ACIN1: variants seen among roughly 807,000 people sequenced by gnomAD.
ACIN1 encodes apoptotic chromatin condensation inducer 1.
ACIN1 carries 16 observed loss-of-function variants against 146.6 expected under a neutral mutation model. That is an observed-to-expected ratio of 0.11 (90% CI 0.07 to 0.17). The LOEUF is 0.17. Ranked by LOEUF, ACIN1 falls within the 10% of genes least tolerant of loss-of-function variation. ACIN1 has a pLI of 1.00. For missense variants in ACIN1, 1,357 were observed against 1,609.3 expected, an observed-to-expected ratio of 0.84 and a Z score of 2.68; for synonymous variants, 569 against 582.7, an observed-to-expected ratio of 0.98 and a Z score of 0.34.
At chr14:23,071,482 G>C in intron 8 of ACIN1, 3 of 1,551,750 alleles carry the variant, frequency 1.9e-6, no homozygotes, top group Non-Finnish European at 2.6e-6. Flanking sequence ...AAGAGGGCCA[G>C]GCTGCTGGTA....
intron 2 of ACIN1, among the ~76,000 whole-genome samples, chr14:23,092,459 T>C (rs1222606799): frequency 6.6e-6 from 1 of 152,208 alleles, no homozygotes; most frequent in African/African-American, 2.4e-5. Context: ...CTTATGCAGT[T>C]TCTTATGCTT....
intron 9 of ACIN1, among the ~76,000 whole-genome samples, chr14:23,066,906 A>G (rs527930185): frequency 6.6e-6 from 1 of 152,266 alleles, no homozygotes; most frequent in African/African-American, 2.4e-5. Context: ...GTGAGAGAGA[A>G]AAAGGGAATA....
At chr14:23,063,201 G>T in intron 13 of ACIN1, 127 bp from the exon 14 acceptor site, 1 of 1,185,522 alleles carries the variant, frequency 8.4e-7, no homozygotes, top group Non-Finnish European at 1.2e-6. Flanking sequence ...AACGTGCAGA[G>T]CACCTATAAT....
In ACIN1 at chr14:23,058,920, CAG is replaced by C. The variant is rs1654530935; in HGVS notation, c.*226_*227del. On this transcript the variant is annotated 3_prime_UTR_variant, in exon 19 of 19. Transcript: ENST00000605057. ...CTTGCCTAACCTAGCTCTTGCCTCT[CAG>C]ACTTAATGGGAAATGAGAGGGAGGG... The C allele has an allele frequency of 1.8e-6, 1 of 557,878 alleles. No individual in the cohort carries two copies. The highest frequency in any genetic ancestry group is 3.0e-5 in the Admixed American group (1 of 32,878). The allele number at this position is 557,878 out of a possible 1,614,324, so 34.6% of individuals were successfully genotyped here.
intron 1 of ACIN1, chr14:23,094,694 A>G: frequency 1.5e-6 from 1 of 658,744 alleles, no homozygotes; most frequent in Non-Finnish European, 2.3e-6. Context: ...ACAGATACAA[A>G]CAAGGAGGGG....
At chr14:23,073,788 T>C (rs1453784359) in intron 8 of ACIN1, among the ~76,000 whole-genome samples, 2 of 152,144 alleles carry the variant, frequency 1.3e-5, no homozygotes, top group African/African-American at 2.4e-5. Flanking sequence ...CAGCTGCTAA[T>C]ATGCCTCTGC....
rs766190016 is a variant in ACIN1 at position 23,061,633 on chromosome 14, A to G, written c.3100-11T>C. On this transcript the variant is annotated splice_polypyrimidine_tract_variant and intron_variant, in intron 16 of 18. Coordinates refer to ENST00000605057, the MANE Select transcript of ACIN1 (RefSeq NM_001386863.1). ...TCGGTGATAATCCAGCTGTGGGGAGAGGAGGGACAAGGACAGTTAGGATAG... is the reference window on the plus strand; with the variant it reads ...TCGGTGATAATCCAGCTGTGGGGAGGGGAGGGACAAGGACAGTTAGGATAG... 8 of 1,515,946 alleles carry G rather than the reference A, an allele frequency of 5.3e-6. No individual in the cohort carries two copies. In the African/African-American group the frequency reaches 9.7e-5, roughly 18 times the overall value. The allele number at this position is 1,515,946 out of a possible 1,614,324, so 93.9% of individuals were successfully genotyped here.
intron 4 of ACIN1, among the ~76,000 whole-genome samples, chr14:23,085,009 CA>C (rs1201599949): frequency 1.9e-4 from 27 of 145,678 alleles, no homozygotes; most frequent in Non-Finnish European, 2.1e-4. Context: ...TCACACACAC[CA>C]AAAAAAAAAG....
At position 23,064,144 on chromosome 14, in the gene ACIN1, G is replaced by A. The variant is rs2047379055; in HGVS notation, c.2556C>T (p.Thr852=). The change falls in exon 12 of 19, where the codon ACC becomes ACT. Residue 852 remains threonine, a synonymous_variant. Transcript: ENST00000605057. ...DETERNGDDG[T]HDKGLKICRT... ...GGCATATTTTCAGCCCCTTGTCATG[G>A]GTCCCATCATCGCCATTACGCTCTG... is the stretch of plus-strand genomic sequence containing the variant. 1 of 1,614,078 alleles carries A rather than the reference G, an allele frequency of 6.2e-7. No homozygotes were observed. Among genetic ancestry groups the A allele is most frequent in the Non-Finnish European group, 8.5e-7 (1 of 1,180,038 alleles).
chr14:23,095,523 C>T, upstream of ACIN1: 1 of 552,130 alleles, frequency 1.8e-6, no homozygotes. Flanking sequence ...CCGGGCTGGC[C>T]CAGCTTAGGG....
intron 8 of ACIN1, among the ~76,000 whole-genome samples, chr14:23,072,908 C>G (rs1196179538): frequency 6.6e-6 from 1 of 152,222 alleles, no homozygotes. Flanking sequence ...GTTCCTGGTT[C>G]TGTATATCTG....
intron 2 of ACIN1, among the ~76,000 whole-genome samples, chr14:23,091,812 C>T (rs1380370466): frequency 5.3e-5 from 8 of 151,998 alleles, no homozygotes; most frequent in African/African-American, 1.7e-4. Context: ...TTAGTATAGA[C>T]GGGGTTTTGC....
intron 16 of ACIN1, among the ~76,000 whole-genome samples, chr14:23,061,835 G>A (rs866915566): frequency 3.3e-5 from 5 of 152,008 alleles, no homozygotes; most frequent in South Asian, 4.2e-4. Flanking sequence ...TTAGCCGGGC[G>A]TGGTGGCGGG....
Position 23,095,101 on chromosome 14 carries a change from C to T in ACIN1, c.12G>A (p.Leu4=), listed in dbSNP as rs750190911. ...GCTTCCCGTCCAGAGTCACCTCCTC[C>T]AGCTCCGCCATCTTGCGTGAGGTAC... MAE[L]EEVTLDGKPL... The change falls in exon 1 of 19, where the codon CTG becomes CTA. Residue 4 remains leucine (L), a synonymous_variant. Coordinates refer to ENST00000605057, the MANE Select transcript of ACIN1 (RefSeq NM_001386863.1). 6.2e-7 allele frequency: 1 copy of T among 1,614,150 alleles called. No individual in the cohort carries two copies. Among genetic ancestry groups the T allele is most frequent in the African/African-American group, 1.3e-5 (1 of 74,954 alleles).
In ACIN1 at chr14:23,068,137, C is replaced by A. The variant is rs1368488354; in HGVS notation, c.2265+1339G>T. The A allele has an allele frequency of 1.0e-6, 1 of 985,690 alleles. No individual in the cohort carries two copies. The highest frequency in any genetic ancestry group is 1.7e-5 in the African/African-American group (1 of 57,188). 61.1% of individuals were successfully genotyped at this position (985,690 alleles called of 1,614,324 possible). On this transcript the variant is annotated intron_variant, in intron 9 of 18. Coordinates refer to ENST00000605057, the MANE Select transcript of ACIN1 (RefSeq NM_001386863.1). The surrounding 1 kb of genome is among the most constrained non-coding windows in gnomAD (Gnocchi z 4.3). ...GGCTGGGCTGTCATCAGCATTAAAT[C>A]CCCAGGGGCTCAGACCCTAGACTCC...
chr14:23,079,833 C>A lies in ACIN1; in HGVS notation c.1502G>T (p.Arg501Ile). The A allele has an allele frequency of 6.2e-7, 1 of 1,614,214 alleles. No individual in the cohort carries two copies. The highest frequency in any genetic ancestry group is 8.5e-7 in the Non-Finnish European group (1 of 1,180,038). Residue 501 changes from arginine (R) to isoleucine (I), a missense_variant, in exon 6 of 19, where the codon AGA (arginine) becomes ATA (isoleucine). Physicochemically the swap from Arg to Ile is moderately conservative, Grantham distance 97. This residue lies in a region of ACIN1 where 771 missense variants were observed against 746.6 expected (regional missense o/e 1.03). Transcript: ENST00000605057. Reference sequence around the variant, plus strand: ...GCTTGGGAGAAGGGTATGAGAAGCTCTTCTGCCTTCCTTCTGTTCCAAAGA... The same window carrying A: ...GCTTGGGAGAAGGGTATGAGAAGCTATTCTGCCTTCCTTCTGTTCCAAAGA... ...QPSLEQKEGR[R>I]ASHTLLPSHR...
At chr14:23,094,852 A>C (rs1306973346) in intron 1 of ACIN1, 123 bp downstream of exon 1, 6 of 1,358,558 alleles carry the variant, frequency 4.4e-6, no homozygotes, top group Non-Finnish European at 5.9e-6. Flanking sequence ...GCGGATCCAG[A>C]GGCTCGCGCT....
Position 23,080,538 on chromosome 14 carries a change from G to A in ACIN1, c.797C>T (p.Pro266Leu), listed in dbSNP as rs143651664. The change falls in exon 6 of 19, where the codon CCC becomes CTC. Residue 266 changes from proline (P) to leucine (L), a missense_variant. Pro to Leu is a moderately conservative substitution (Grantham distance 98, BLOSUM62 -3). Around this residue, in one of 4 missense-constraint regions of ACIN1, gnomAD observed 771 missense variants for 746.6 expected, o/e 1.03. Coordinates refer to ENST00000605057, the MANE Select transcript of ACIN1 (RefSeq NM_001386863.1). ...CTCCTGTTCCTGGGATCTTGTTTTG[G>A]GTCTCTCATCCATCATCTCCTCTGG... is the stretch of plus-strand genomic sequence containing the variant. ...VKPEEMMDER[P>L]KTRSQEQEVL... The A allele has an allele frequency of 4.2e-4, 676 of 1,613,524 alleles. 1 individual carries two copies. Among genetic ancestry groups the A allele is most frequent in the Non-Finnish European group, 5.4e-4 (632 of 1,179,942 alleles).
In ACIN1 at chr14:23,067,735, G is replaced by A; in HGVS notation, c.2266-1727C>T. 1.0e-6 allele frequency: 1 copy of A among 985,966 alleles called. No homozygotes were observed. Among genetic ancestry groups the A allele is most frequent in the Non-Finnish European group, 1.2e-6 (1 of 830,036 alleles). 61.1% of individuals were successfully genotyped at this position (985,966 alleles called of 1,614,324 possible). On this transcript the variant is annotated intron_variant, in intron 9 of 18. Coordinates refer to ENST00000605057, the MANE Select transcript of ACIN1 (RefSeq NM_001386863.1). This position sits in a 1 kb window ranked among gnomAD's most constrained non-coding sequence, Gnocchi z 4.6. ...AGGACCCTATGTCCACCAGTGGCAA[G>A]CTGCAGCAATAACACCACCCAATAC... is the stretch of plus-strand genomic sequence containing the variant.
Sources: gnomAD v4.1 joint callset for allele counts (sites outside exome capture counted in the v4.1 genomes callset) on GRCh38, gnomAD v4.1.1 for gene constraint, gnomAD v4.1.1 regional missense constraint, Gnocchi (gnomAD v3.1) non-coding constraint, MANE v1.5 for transcripts, NCBI Gene and HGNC (gene_info 2026-07-23, HGNC 2026-07-21) for gene names.